Variants in CNTNAP2 observed in about 807,000 individuals in gnomAD.
The protein encoded by CNTNAP2 is contactin associated protein 2.
CNTNAP2 carries 98 observed loss-of-function variants against 155.2 expected under a neutral mutation model. The observed-to-expected ratio is 0.63, with a 90% confidence interval of 0.54 to 0.75. The LOEUF is 0.75. Ranked by LOEUF, CNTNAP2 falls within the 30% of genes least tolerant of loss-of-function variation. The probability of loss-of-function intolerance (pLI) is 0.00; values close to 1 mark genes in which losing one functional copy is unlikely to be tolerated. For synonymous variants in CNTNAP2, 651 were observed against 631.2 expected (o/e 1.03, Z -0.47); for missense variants, 1,727 against 1,688.1 (o/e 1.02, Z -0.40).
intron 1 of CNTNAP2, among the ~76,000 whole-genome samples, chr7:146,511,886 G>A (rs1432863869): frequency 3.3e-5 from 5 of 152,076 alleles, no homozygotes; most frequent in Non-Finnish European, 7.4e-5. Context: ...GTAGAGTTCA[G>A]CAGTTCTCAT....
chr7:146,227,428 CAAAAAA>C (rs755623604), intron 1 of CNTNAP2, among the ~76,000 whole-genome samples: 1 of 58,722 alleles, frequency 1.7e-5, no homozygotes, highest in African/African-American at 5.9e-5. Context: ...CTGTCTCAAA[CAAAAAA>C]AAAAAAAAAA....
At chr7:148,322,813 A>G (rs1437886926) in intron 21 of CNTNAP2, among the ~76,000 whole-genome samples, 1 of 83,176 alleles carries the variant, frequency 1.2e-5, no homozygotes, top group Non-Finnish European at 2.4e-5. Flanking sequence ...TTTTTTTTTC[A>G]AATTTTTTCC....
At position 146,409,448 on chromosome 7, in the gene CNTNAP2, A is replaced by G. The variant is rs79030324; in HGVS notation, c.97+292475A>G. 1.1e-3 allele frequency among the ~76,000 whole-genome samples: 175 copies of G among 152,336 alleles called. 2 individuals carry two copies. In the East Asian group the frequency reaches 0.029, roughly 25 times the overall value. On this transcript the variant is annotated intron_variant, in intron 1 of 23. Transcript: ENST00000361727. ...GTTTATTAGTTGGAAATGTTTATCC[A>G]TATAGCACAGGATGAATAAGTGATT...
chr7:146,420,676 T>C (rs887290562), intron 1 of CNTNAP2, among the ~76,000 whole-genome samples: 6 of 152,072 alleles, frequency 3.9e-5, no homozygotes, highest in Admixed American at 6.6e-5. Flanking sequence ...CATTAAATGT[T>C]TGTATTGATA....
chr7:146,932,791 T>C (rs935564522), intron 3 of CNTNAP2, among the ~76,000 whole-genome samples: 5 of 151,484 alleles, frequency 3.3e-5, no homozygotes, highest in East Asian at 3.9e-4. Context: ...TATACACCAA[T>C]AACAGACAAA....
chr7:146,872,266 C>T (rs1299325701), intron 3 of CNTNAP2, among the ~76,000 whole-genome samples: 1 of 146,902 alleles, frequency 6.8e-6, no homozygotes, highest in Non-Finnish European at 1.5e-5. Flanking sequence ...TATATATAGA[C>T]CACCCCCCAA....
intron 1 of CNTNAP2, among the ~76,000 whole-genome samples, chr7:146,405,163 C>T (rs1003611211): frequency 6.6e-6 from 1 of 152,126 alleles, no homozygotes; most frequent in African/African-American, 2.4e-5. Context: ...AGTGGAGATG[C>T]TCTAATGAGC....
intron 15 of CNTNAP2, among the ~76,000 whole-genome samples, chr7:148,106,493 G>GAGAGAGATATAT (rs1554472856): frequency 1.6e-5 from 2 of 124,926 alleles, no homozygotes; most frequent in African/African-American, 6.9e-5. Flanking sequence ...CACACTTTGA[G>GAGAGAGATATAT]ATATATATAT....
At chr7:146,739,676 G>C (rs974431216) in intron 1 of CNTNAP2, among the ~76,000 whole-genome samples, 8 of 151,996 alleles carry the variant, frequency 5.3e-5, no homozygotes, top group Non-Finnish European at 1.2e-4. Flanking sequence ...GATCTAGAAT[G>C]TAGTTCAAGT....
At chr7:146,760,408 C>CTTTTTTTTTTTTTTTTTT (rs1284570579) in intron 1 of CNTNAP2, among the ~76,000 whole-genome samples, 1 of 78,868 alleles carries the variant, frequency 1.3e-5, no homozygotes, top group Non-Finnish European at 2.3e-5. Flanking sequence ...CTCCAATTTA[C>CTTTTTTTTTTTTTTTTTT]CTTTTTTTTT....
At chr7:146,666,004 A>G (rs1049478115) in intron 1 of CNTNAP2, among the ~76,000 whole-genome samples, 6 of 152,044 alleles carry the variant, frequency 3.9e-5, no homozygotes, top group Admixed American at 1.3e-4. Flanking sequence ...GGAACATTCA[A>G]TATCCCCCTT....
At chr7:147,984,164 G>A (rs1177473983) in intron 15 of CNTNAP2, among the ~76,000 whole-genome samples, 1 of 152,204 alleles carries the variant, frequency 6.6e-6, no homozygotes, top group Non-Finnish European at 1.5e-5. Context: ...GTATGGCAGT[G>A]AGGACAACCA....
At chr7:146,719,921 A>G (rs575925556) in intron 1 of CNTNAP2, among the ~76,000 whole-genome samples, 1 of 152,298 alleles carries the variant, frequency 6.6e-6, no homozygotes, top group East Asian at 1.9e-4. Flanking sequence ...CTTACATTGC[A>G]GAAAGACCTG....
chr7:146,834,774 T>C (rs1341175914), intron 2 of CNTNAP2, among the ~76,000 whole-genome samples: 1 of 152,216 alleles, frequency 6.6e-6, no homozygotes, highest in East Asian at 1.9e-4. Context: ...CCACTTTCTT[T>C]GAGCTGCTAC....
chr7:148,122,784 T>C (rs1366990846), intron 16 of CNTNAP2, among the ~76,000 whole-genome samples: 3 of 150,388 alleles, frequency 2.0e-5, no homozygotes, highest in Non-Finnish European at 4.4e-5. Context: ...ATATGAAAGA[T>C]CCTTCAATGA....
chr7:147,842,318 T>C (rs963568505), intron 13 of CNTNAP2, among the ~76,000 whole-genome samples: 12 of 152,196 alleles, frequency 7.9e-5, no homozygotes, highest in African/African-American at 2.9e-4. Flanking sequence ...CTAAGAAATT[T>C]TGATACAGAC....
intron 21 of CNTNAP2, among the ~76,000 whole-genome samples, chr7:148,355,196 T>TTTTTTTTTTTTC (rs1798491751): frequency 7.8e-6 from 1 of 127,952 alleles, no homozygotes; most frequent in Non-Finnish European, 1.6e-5. Context: ...TTTTTTTTTT[T>TTTTTTTTTTTTC]TTTGAGACGG....
At chr7:148,160,419 A>G (rs1357446302) in intron 17 of CNTNAP2, among the ~76,000 whole-genome samples, 1 of 152,034 alleles carries the variant, frequency 6.6e-6, no homozygotes, top group Non-Finnish European at 1.5e-5. Flanking sequence ...CTAAAAAAAA[A>G]AAAAAGAAAA....
intron 1 of CNTNAP2, among the ~76,000 whole-genome samples, chr7:146,271,756 A>G (rs1054597390): frequency 6.6e-6 from 1 of 152,026 alleles, no homozygotes; most frequent in Non-Finnish European, 1.5e-5. Context: ...TTGACATTTT[A>G]AGTTGTTTCT....
Sources: allele counts gnomAD v4.1 joint callset (sites outside exome capture counted in the v4.1 genomes callset), GRCh38; gene constraint gnomAD v4.1.1; transcripts MANE v1.5; gene names NCBI Gene and HGNC (gene_info 2026-07-23, HGNC 2026-07-21).